The following L3MBTL3 variants were observed in gnomAD, a reference collection of about 807,000 sequenced individuals.
L3MBTL3 encodes L3MBTL histone methyl-lysine binding protein 3, also known as lethal(3)malignant brain tumor-like protein 3.
L3MBTL3 carries 27 observed loss-of-function variants against 102.3 expected under a neutral mutation model. That is an observed-to-expected ratio of 0.26 (90% CI 0.19 to 0.36). L3MBTL3 has a LOEUF of 0.36. Ranked by LOEUF, L3MBTL3 falls within the 10% of genes least tolerant of loss-of-function variation. The pLI, the probability that L3MBTL3 is intolerant of heterozygous loss-of-function variation, is 1.00. For synonymous variants in L3MBTL3, 340 were observed against 320.9 expected, an observed-to-expected ratio of 1.06 and a Z score of -0.64; for missense variants, 798 against 955.3, an observed-to-expected ratio of 0.84 and a Z score of 2.17.
intron 2 of L3MBTL3, among the ~76,000 whole-genome samples, chr6:130,029,208 G>A (rs1779548271): frequency 6.6e-6 from 1 of 152,142 alleles, no homozygotes; most frequent in East Asian, 1.9e-4. Context: ...CTTATGTCCT[G>A]GTCCTGGCAT....
chr6:130,070,483 A>T (rs991434763), intron 12 of L3MBTL3, among the ~76,000 whole-genome samples: 3 of 152,228 alleles, frequency 2.0e-5, no homozygotes, highest in African/African-American at 7.2e-5. Flanking sequence ...AAGATGACCT[A>T]CTTTCGAGAG....
At chr6:130,049,900 C>G in intron 5 of L3MBTL3, 70 bp downstream of exon 5, 1 of 1,533,638 alleles carries the variant, frequency 6.5e-7, no homozygotes, top group East Asian at 2.3e-5. Flanking sequence ...CACAAACCTG[C>G]TCTTTCTTCC....
At position 130,049,383 on chromosome 6, in the gene L3MBTL3, T is replaced by A. The variant is rs1265894793; in HGVS notation, c.204T>A (p.Thr68=). The change falls in exon 4 of 23, where the codon ACT becomes ACA. Residue 68 remains threonine (T), a synonymous_variant. Coordinates refer to ENST00000361794, the MANE Select transcript of L3MBTL3 (RefSeq NM_032438.4). Reference sequence around the variant, plus strand: ...CTACCACCACTTGGATGGTACCAACTGCTCAAGAAGGTAAGGATGGGTCAT... The same window carrying A: ...CTACCACCACTTGGATGGTACCAACAGCTCAAGAAGGTAAGGATGGGTCAT... The part of the protein sequence containing the change: ...ATATTTWMVP[T]AQEAPTSPPS... The A allele has an allele frequency of 6.3e-6, 10 of 1,592,428 alleles. No individual in the cohort carries two copies. Among genetic ancestry groups the A allele is most frequent in the Non-Finnish European group, 8.6e-6 (10 of 1,162,860 alleles).
chr6:130,021,433 A>T (rs532388288), intron 1 of L3MBTL3, among the ~76,000 whole-genome samples: 1 of 152,254 alleles, frequency 6.6e-6, no homozygotes, highest in Non-Finnish European at 1.5e-5. Context: ...TCCATCCGAC[A>T]TGAGTTATAT....
At chr6:130,058,198 T>G (rs984417394) in intron 9 of L3MBTL3, among the ~76,000 whole-genome samples, 2 of 150,222 alleles carry the variant, frequency 1.3e-5, no homozygotes, top group Non-Finnish European at 2.9e-5. Context: ...GATTTACATA[T>G]TATCACAGCA....
intron 19 of L3MBTL3, among the ~76,000 whole-genome samples, chr6:130,105,326 A>G (rs1393964921): frequency 1.3e-5 from 2 of 152,196 alleles, no homozygotes; most frequent in Non-Finnish European, 2.9e-5. Context: ...ATGCATTGTC[A>G]TAGGAGTAAT....
Position 130,078,610 on chromosome 6 carries a change from A to G in L3MBTL3, c.1297A>G (p.Arg433Gly), listed in dbSNP as rs1490512857. Residue 433 changes from arginine (R) to glycine (G), a missense_variant, in exon 14 of 23, where the codon AGA becomes GGA. Arg to Gly is a moderately radical substitution (Grantham distance 125). This residue lies in a region of L3MBTL3 where 10 missense variants were observed against 27.4 expected (regional missense o/e 0.37). Transcript: ENST00000361794. Reference sequence around the variant, plus strand: ...TCCAGTTGGTTGGTGTAAGGAACATAGAAGAACCCTTATTACTCCACCAGG... The same window carrying G: ...TCCAGTTGGTTGGTGTAAGGAACATGGAAGAACCCTTATTACTCCACCAGG... ...IHPVGWCKEH[R>G]RTLITPPGYP... 2 of 1,609,746 alleles carry G rather than the reference A, an allele frequency of 1.2e-6. No individual in the cohort carries two copies. The highest frequency in any genetic ancestry group is 1.1e-5 in the South Asian group (1 of 90,902).
intron 16 of L3MBTL3, among the ~76,000 whole-genome samples, chr6:130,091,854 A>C (rs1274266727): frequency 6.6e-6 from 1 of 152,034 alleles, no homozygotes; most frequent in Non-Finnish European, 1.5e-5. Context: ...CCAGAGCCTG[A>C]GAAGCATAGC....
At chr6:130,064,419 C>T (rs1477752155) in intron 10 of L3MBTL3, among the ~76,000 whole-genome samples, 2 of 151,970 alleles carry the variant, frequency 1.3e-5, no homozygotes, top group African/African-American at 2.4e-5. Context: ...CAGAGCAGTT[C>T]TTGTTGGGGA....
At chr6:130,070,841 A>T in intron 12 of L3MBTL3, 135 bp from the exon 13 acceptor site, 2 of 388,754 alleles carry the variant, frequency 5.1e-6, no homozygotes, top group Non-Finnish European at 8.8e-6. Flanking sequence ...CTGCTGTGAA[A>T]CTGGCATATG....
intron 18 of L3MBTL3, among the ~76,000 whole-genome samples, chr6:130,102,582 CATG>C (rs1290415526): frequency 6.6e-6 from 1 of 152,190 alleles, no homozygotes; most frequent in Non-Finnish European, 1.5e-5. Flanking sequence ...CTAGGCTCTA[CATG>C]ATATTTGCCT....
At chr6:130,115,340 C>T (rs1046807336) in intron 19 of L3MBTL3, among the ~76,000 whole-genome samples, 1 of 152,206 alleles carries the variant, frequency 6.6e-6, no homozygotes, top group African/African-American at 2.4e-5. Flanking sequence ...GCTTCCTAAC[C>T]TGGTTGGCAA....
rs528669775 is a variant in L3MBTL3, at chr6:130,081,281, A to G, written c.1322-2339A>G. ...CCAGGAAAGCATTTTTGCCTATGCA[A>G]AGTCACACACATGCATGCGTACACC... On this transcript the variant is annotated intron_variant, in intron 14 of 22. Transcript: ENST00000361794. Among the ~76,000 whole-genome samples, 11 of 152,350 alleles carry G rather than the reference A, an allele frequency of 7.2e-5. No individual in the cohort carries two copies. In the East Asian group the frequency reaches 9.6e-4, roughly 13 times the overall value.
At chr6:130,076,157 A>G (rs1040152888) in intron 13 of L3MBTL3, among the ~76,000 whole-genome samples, 2 of 152,178 alleles carry the variant, frequency 1.3e-5, no homozygotes, top group African/African-American at 4.8e-5. Context: ...GGTCTGTGTT[A>G]TAGGCAGTGA....
intron 16 of L3MBTL3, among the ~76,000 whole-genome samples, chr6:130,090,800 T>C (rs1783993952): frequency 6.6e-6 from 1 of 152,214 alleles, no homozygotes; most frequent in Non-Finnish European, 1.5e-5. Flanking sequence ...TTGTCCAGGC[T>C]GATCTTGAAC....
At chr6:130,046,554 G>A (rs1048882892) in intron 3 of L3MBTL3, among the ~76,000 whole-genome samples, 2 of 152,212 alleles carry the variant, frequency 1.3e-5, no homozygotes, top group African/African-American at 4.8e-5. Context: ...AACATGTGCA[G>A]TCCCTTATAT....
chr6:130,029,136 T>A (rs565858083), intron 2 of L3MBTL3, among the ~76,000 whole-genome samples: 2 of 152,344 alleles, frequency 1.3e-5, no homozygotes, highest in East Asian at 3.9e-4. Flanking sequence ...TATAAGTAGA[T>A]GATCAAGATA....
intron 3 of L3MBTL3, among the ~76,000 whole-genome samples, chr6:130,045,016 A>G (rs4594967): frequency 0.54 from 81,698 of 152,044 alleles, 25,405 homozygotes; most frequent in East Asian, 0.76. Flanking sequence ...ATAGAAGTCA[A>G]TTTCTTATCA....
intron 20 of L3MBTL3, among the ~76,000 whole-genome samples, chr6:130,131,513 G>T (rs1038187377): frequency 3.9e-5 from 6 of 152,188 alleles, no homozygotes; most frequent in African/African-American, 1.4e-4. Flanking sequence ...GTACATTCAA[G>T]AAATTGTTAC....
Sources: gnomAD v4.1 joint callset for allele counts (sites outside exome capture counted in the v4.1 genomes callset) on GRCh38, gnomAD v4.1.1 for gene constraint, gnomAD v4.1.1 regional missense constraint, MANE v1.5 for transcripts, NCBI Gene and HGNC (gene_info 2026-07-23, HGNC 2026-07-21) for gene names.